NBEA: variants seen among roughly 807,000 people sequenced by gnomAD.
NBEA encodes the protein neurobeachin.
A neutral mutation model predicts 343.4 loss-of-function variants in NBEA; 44 were observed. The observed-to-expected ratio is 0.13, with a 90% CI of 0.10 to 0.16. NBEA has a LOEUF of 0.16. Ranked by LOEUF, NBEA falls within the 10% of genes least tolerant of loss-of-function variation. The pLI is 1.00. For synonymous variants in NBEA, 1,175 were observed against 1,238.7 expected, an observed-to-expected ratio of 0.95 and a Z score of 1.08; for missense variants, 2,555 against 3,631.3, an observed-to-expected ratio of 0.70 and a Z score of 7.62.
intron 31 of NBEA, among the ~76,000 whole-genome samples, chr13:35,203,678 A>G (rs533786423): frequency 1.3e-3 from 204 of 152,330 alleles, no homozygotes; most frequent in African/African-American, 4.7e-3. Context: ...GCTTTGAGAT[A>G]GGATAAATTC....
Position 35,403,323 on chromosome 13 carries a change from A to AT in NBEA, c.6180-28946_6180-28945insT, listed in dbSNP as rs1435999683. Among the ~76,000 whole-genome samples, 5 of 152,190 alleles carry AT rather than the reference A, an allele frequency of 3.3e-5. No homozygotes were observed. In the East Asian group the frequency reaches 9.7e-4, roughly 29 times the overall value. ...CTATTATAAGTACTATAGGGTTGCA[A>AT]AGCTGCATGAGGTGAATATCCCGAT... is the stretch of plus-strand genomic sequence containing the variant. On this transcript the variant is annotated intron_variant, in intron 38 of 58. Transcript: ENST00000379939.
intron 1 of NBEA, among the ~76,000 whole-genome samples, chr13:34,992,095 T>G (rs567739557): frequency 3.3e-4 from 50 of 151,142 alleles, no homozygotes; most frequent in African/African-American, 1.2e-3. Context: ...TTACAGGTAT[T>G]TGGCTGCTGA....
intron 17 of NBEA, among the ~76,000 whole-genome samples, 176 bp from the exon 18 acceptor site, chr13:35,142,093 G>A (rs2068124262): frequency 6.6e-6 from 1 of 152,102 alleles, no homozygotes. Flanking sequence ...TAATAGTCTT[G>A]GAACTTTAGG....
At chr13:35,263,631 C>T (rs1317040875) in intron 34 of NBEA, among the ~76,000 whole-genome samples, 1 of 152,048 alleles carries the variant, frequency 6.6e-6, no homozygotes, top group Non-Finnish European at 1.5e-5. Context: ...GGAACAACTT[C>T]AGAAAAATCA....
At chr13:34,989,745 A>G (rs528579266) in intron 1 of NBEA, among the ~76,000 whole-genome samples, 3 of 150,850 alleles carry the variant, frequency 2.0e-5, no homozygotes, top group African/African-American at 7.2e-5. Context: ...GTCTTAACTC[A>G]TTCTAGCATT....
chr13:35,557,288 A>T (rs2079619160), intron 44 of NBEA, among the ~76,000 whole-genome samples: 1 of 152,118 alleles, frequency 6.6e-6, no homozygotes, highest in South Asian at 2.1e-4. Context: ...AGTGTGGTAC[A>T]GTACCACCTA....
chr13:34,944,314 CTG>C (rs1371903595), intron 1 of NBEA, among the ~76,000 whole-genome samples: 1 of 152,168 alleles, frequency 6.6e-6, no homozygotes, highest in Admixed American at 6.5e-5. Flanking sequence ...TATTGGAAAA[CTG>C]AGAGAAAGCT....
At position 35,159,975 on chromosome 13, in the gene NBEA, C is replaced by T. The variant is rs949121350; in HGVS notation, c.3804C>T (p.Asp1268=). 11 of 1,593,546 alleles carry T rather than the reference C, an allele frequency of 6.9e-6. No homozygotes were observed. The highest frequency in any genetic ancestry group is 2.7e-5 in the African/African-American group (2 of 74,282). ...GSIISDTERS[D]DGKESGKEIR... The stretch of plus-strand genomic sequence containing the variant: ...TAATTTCAGATACTGAAAGGTCTGA[C>T]GATGGCAAAGAATCAGGAAAAGAAA... Residue 1268 remains aspartate, a synonymous_variant, in exon 22 of 59, where the codon GAC becomes GAT. Transcript: ENST00000379939.
At chr13:35,236,697 C>G (rs1275793275) in intron 34 of NBEA, among the ~76,000 whole-genome samples, 1 of 151,314 alleles carries the variant, frequency 6.6e-6, no homozygotes, top group African/African-American at 2.4e-5. Context: ...ACCTCATGAT[C>G]CGCCCGCCTC....
chr13:35,445,642 ATG>A (rs1306104692), intron 39 of NBEA, among the ~76,000 whole-genome samples: 1 of 151,804 alleles, frequency 6.6e-6, no homozygotes, highest in East Asian at 1.9e-4. Context: ...AAGTGTGTTT[ATG>A]TGTTTTCATT....
chr13:35,172,281 T>C (rs1207455418), intron 26 of NBEA, among the ~76,000 whole-genome samples: 3 of 152,036 alleles, frequency 2.0e-5, no homozygotes, highest in Non-Finnish European at 4.4e-5. Flanking sequence ...TCGTATTATT[T>C]ATTTAAAGAC....
chr13:35,000,382 T>C (rs1202088270), intron 1 of NBEA, among the ~76,000 whole-genome samples: 1 of 152,036 alleles, frequency 6.6e-6, no homozygotes, highest in Admixed American at 6.6e-5. Flanking sequence ...TCTGGTCCTG[T>C]TTCGGAGAAG....
At chr13:35,573,690 GC>G (rs1031607055) in intron 45 of NBEA, among the ~76,000 whole-genome samples, 1 of 152,134 alleles carries the variant, frequency 6.6e-6, no homozygotes, top group Admixed American at 6.5e-5. Flanking sequence ...ATCCTATAGA[GC>G]CTGTTTTGCT....
At chr13:35,069,423 A>C (rs768322776) in intron 8 of NBEA, among the ~76,000 whole-genome samples, 1 of 152,098 alleles carries the variant, frequency 6.6e-6, no homozygotes, top group African/African-American at 2.4e-5. Context: ...ATTGAGTAGC[A>C]TTGGTATTTC....
At chr13:35,612,065 T>A (rs1474754143) in intron 48 of NBEA, among the ~76,000 whole-genome samples, 1 of 147,968 alleles carries the variant, frequency 6.8e-6, no homozygotes, top group Non-Finnish European at 1.5e-5. Context: ...TCCCACTTGT[T>A]ATTACCTGTT....
chr13:35,029,952 T>G (rs543567650), intron 1 of NBEA, among the ~76,000 whole-genome samples: 1 of 151,616 alleles, frequency 6.6e-6, no homozygotes, highest in Non-Finnish European at 1.5e-5. Flanking sequence ...ACAGCGGTAG[T>G]ACCTTTTAGA....
intron 40 of NBEA, among the ~76,000 whole-genome samples, chr13:35,468,775 A>C (rs1385066349): frequency 1.3e-5 from 2 of 152,102 alleles, no homozygotes; most frequent in Admixed American, 1.3e-4. Context: ...AAATTTGTGA[A>C]TATTGGACTA....
intron 10 of NBEA, among the ~76,000 whole-genome samples, chr13:35,086,731 C>T (rs1190222012): frequency 6.6e-6 from 1 of 151,906 alleles, no homozygotes; most frequent in Non-Finnish European, 1.5e-5. Context: ...GAAACATCTC[C>T]ACACTCTTTT....
chr13:35,461,896 C>T (rs764924885), intron 40 of NBEA, among the ~76,000 whole-genome samples: 1 of 152,154 alleles, frequency 6.6e-6, no homozygotes, highest in Non-Finnish European at 1.5e-5. Flanking sequence ...AACAATTAGC[C>T]CTAAGGACAA....
Sources: allele counts gnomAD v4.1 joint callset (sites outside exome capture counted in the v4.1 genomes callset), GRCh38; gene constraint gnomAD v4.1.1; transcripts MANE v1.5; gene names NCBI Gene and HGNC (gene_info 2026-07-23, HGNC 2026-07-21).